MLYCD: variants seen among roughly 807,000 people sequenced by gnomAD.
The protein encoded by MLYCD is malonyl-CoA decarboxylase.
Under a neutral mutation model 35.8 loss-of-function variants are expected in MLYCD, and 27 were observed. The observed-to-expected ratio is 0.75, with a 90% confidence interval of 0.56 to 1.04. The LOEUF is 1.04. Among genes scored for constraint, MLYCD ranks in the 50% least tolerant of loss-of-function variants. The pLI is 0.00. For synonymous variants in MLYCD, 403 were observed against 302.4 expected (o/e 1.33, Z -3.45); for missense variants, 917 against 665.1 (o/e 1.38, Z -4.17).
At position 83,926,093 on chromosome 16, in the gene MLYCD, C is replaced by G. The variant is rs991707070; in HGVS notation, c.*10604C>G. ...GGGCCACGCTGGTTACTTGGGTACA[C>G]TCCTTGCCCAGGGTTCCACAGCCCC... On this transcript the variant is annotated 3_prime_UTR_variant, in exon 5 of 5. Coordinates refer to ENST00000262430, the MANE Select transcript of MLYCD (RefSeq NM_012213.3). The G allele has an allele frequency of 1.3e-5, 2 of 152,314 alleles. No homozygotes were observed. Among genetic ancestry groups the G allele is most frequent in the Non-Finnish European group, 2.9e-5 (2 of 68,096 alleles). The allele number at this position is 152,314 out of a possible 1,614,324, so 9.4% of individuals were successfully genotyped here.
rs142999605 is a variant in MLYCD, at chr16:83,905,739, A to G, written c.529-1248A>G. Among the ~76,000 whole-genome samples, 1,329 of 152,324 alleles carry G rather than the reference A, an allele frequency of 8.7e-3. 13 individuals are homozygous for G. Among genetic ancestry groups the G allele is most frequent in the Non-Finnish European group, 0.014 (941 of 68,010 alleles). ...CCCTCATTGACCAGAACTCTGTCAC[A>G]TGGCTGCCCCCAGCCGCAGTGCAAT... On this transcript the variant is annotated intron_variant, in intron 1 of 4. Transcript: ENST00000262430.
Position 83,917,014 on chromosome 16 carries a change from GTC to G in MLYCD, c.*1526_*1527del, listed in dbSNP as rs1202029265. ...TGCGTGTGCACGAGCGTCTCTGTGTGTCAGTGCACGTCTGTGTGCGTGTGCAC... is the reference window on the plus strand; with the variant it reads ...TGCGTGTGCACGAGCGTCTCTGTGTGAGTGCACGTCTGTGTGCGTGTGCAC... On this transcript the variant is annotated 3_prime_UTR_variant, in exon 5 of 5. Transcript: ENST00000262430. 4 of 123,054 alleles carry G rather than the reference GTC, an allele frequency of 3.3e-5. No individual in the cohort carries two copies. The East Asian group carries it at 1.1e-3, about 33-fold the overall frequency. 7.6% of individuals were successfully genotyped at this position (123,054 alleles called of 1,614,324 possible).
In MLYCD at chr16:83,917,002, G is replaced by A. The variant is rs1405390743; in HGVS notation, c.*1513G>A. ...TGCACGCCTGTGTGCGTGTGCACGAGCGTCTCTGTGTGTCAGTGCACGTCT... is the reference window on the plus strand; with the variant it reads ...TGCACGCCTGTGTGCGTGTGCACGAACGTCTCTGTGTGTCAGTGCACGTCT... On this transcript the variant is annotated 3_prime_UTR_variant, in exon 5 of 5. Coordinates refer to ENST00000262430, the MANE Select transcript of MLYCD (RefSeq NM_012213.3). The A allele has an allele frequency of 1.5e-5, 2 of 132,614 alleles. No individual in the cohort carries two copies. Among genetic ancestry groups the A allele is most frequent in the African/African-American group, 5.8e-5 (2 of 34,646 alleles). 8.2% of individuals were successfully genotyped at this position (132,614 alleles called of 1,614,324 possible).
chr16:83,901,371 A>G (rs1013289991), intron 1 of MLYCD, among the ~76,000 whole-genome samples: 1 of 152,232 alleles, frequency 6.6e-6, no homozygotes, highest in Non-Finnish European at 1.5e-5. Flanking sequence ...CAGAATGATG[A>G]ATGAATCATT....
At chr16:83,907,143 T>C (rs532123215) in intron 2 of MLYCD, 44 bp downstream of exon 2, 9 of 1,476,124 alleles carry the variant, frequency 6.1e-6, no homozygotes, top group African/African-American at 5.5e-5. Flanking sequence ...ACATTTTTCA[T>C]ATATATTTGT....
chr16:83,913,106 G>T (rs1907238544), intron 4 of MLYCD: 1 of 153,842 alleles, frequency 6.5e-6, no homozygotes, highest in Non-Finnish European at 1.4e-5. Context: ...GTTGGGGGCT[G>T]CACATGGCTG....
chr16:83,921,873 G>C lies in MLYCD; in HGVS notation c.*6384G>C, dbSNP rs2151063405. ...TCTGAGGGTGATAGGCTACTCACTG[G>C]GTCCTAGTGTTCTGAACTACACCCT... On this transcript the variant is annotated 3_prime_UTR_variant, in exon 5 of 5. Transcript: ENST00000262430. 6.6e-6 allele frequency: 1 copy of C among 152,314 alleles called. No homozygotes were observed. The highest frequency in any genetic ancestry group is 1.9e-4 in the East Asian group (1 of 5,180). 9.4% of individuals were successfully genotyped at this position (152,314 alleles called of 1,614,324 possible). A position where few individuals can be genotyped will look rare whatever the true frequency, so the allele number is the denominator to read the frequency against.
intron 3 of MLYCD, among the ~76,000 whole-genome samples, chr16:83,911,393 A>C (rs1371426583): frequency 6.6e-6 from 1 of 152,250 alleles, no homozygotes; most frequent in Non-Finnish European, 1.5e-5. Flanking sequence ...GTAGAAGTTA[A>C]AATAGTTTAA....
rs751002859 is a variant in MLYCD, at chr16:83,915,479, G to T, written c.1472G>T (p.Ser491Ile). ...LSLVAQFQKN[S>I]KL ...CTAGTGGCCCAGTTTCAAAAGAACA[G>T]CAAGCTCTGACAGTAAACCTCTCCT... is the stretch of plus-strand genomic sequence containing the variant. Residue 491 changes from serine (S) to isoleucine (I), a missense_variant, in exon 5 of 5, where the codon AGC becomes ATC. By Grantham distance (142) the Ser-to-Ile change is moderately radical (BLOSUM62 -2). Transcript: ENST00000262430. The T allele has an allele frequency of 5.8e-5, 93 of 1,611,444 alleles. No individual in the cohort carries two copies. In the South Asian group the frequency reaches 6.0e-4, roughly 10 times the overall value.
Position 83,918,642 on chromosome 16 carries a change from CAT to C in MLYCD, c.*3154_*3155del, listed in dbSNP as rs1318203518. ...CACGGTGCACCGGAGAACATGCACA[CAT>C]GGTGCACAGGAGAACACAGTGCACA... is the stretch of plus-strand genomic sequence containing the variant. On this transcript the variant is annotated 3_prime_UTR_variant, in exon 5 of 5. Transcript: ENST00000262430. 1.4e-4 allele frequency: 21 copies of C among 145,658 alleles called. No homozygotes were observed. The highest frequency in any genetic ancestry group is 4.4e-3 in the Middle Eastern group (1 of 226). 9.0% of individuals were successfully genotyped at this position (145,658 alleles called of 1,614,324 possible).
intron 1 of MLYCD, among the ~76,000 whole-genome samples, chr16:83,902,056 C>G (rs1023427972): frequency 1.3e-5 from 2 of 150,536 alleles, no homozygotes; most frequent in Non-Finnish European, 2.9e-5. Context: ...AGTAGCTGAA[C>G]CTATTAATTC....
rs1194397409 is a variant in MLYCD at position 83,899,498 on chromosome 16, G to A, written c.354G>A (p.Glu118=). 1 of 1,569,636 alleles carries A rather than the reference G, an allele frequency of 6.4e-7. No individual in the cohort carries two copies. Among genetic ancestry groups the A allele is most frequent in the Non-Finnish European group, 8.6e-7 (1 of 1,168,202 alleles). ...TCCATCTGCGCCAGCAGCAGCGGGA[G>A]GCGGCGGTGCTGCTGCAGGCCGAGG... is the stretch of plus-strand genomic sequence containing the variant. ...GVLHLRQQQR[E]AAVLLQAEDR... The change falls in exon 1 of 5, where the codon GAG becomes GAA. Residue 118 remains glutamate, a synonymous_variant. Transcript: ENST00000262430.
intron 1 of MLYCD, among the ~76,000 whole-genome samples, chr16:83,906,721 AGTTC>A (rs1233464027): frequency 2.1e-5 from 3 of 144,872 alleles, no homozygotes; most frequent in Non-Finnish European, 4.5e-5. Context: ...TGGGCAACTT[AGTTC>A]AAATTGAATT....
Position 83,915,988 on chromosome 16 carries a change from A to C in MLYCD, c.*499A>C. On this transcript the variant is annotated 3_prime_UTR_variant, in exon 5 of 5. Coordinates refer to ENST00000262430, the MANE Select transcript of MLYCD (RefSeq NM_012213.3). ...GACAAAGGGCTGTGCTACACTTCCC[A>C]GTTACATTCTGAAGCTCATAAATGT... is the stretch of plus-strand genomic sequence containing the variant. 2.0e-6 allele frequency: 2 copies of C among 1,013,762 alleles called. No individual in the cohort carries two copies. The highest frequency in any genetic ancestry group is 2.4e-6 in the Non-Finnish European group (2 of 845,272). The allele number at this position is 1,013,762 out of a possible 1,614,324, so 62.8% of individuals were successfully genotyped here.
chr16:83,915,153 C>A lies in MLYCD; in HGVS notation c.1146C>A (p.Ser382Arg), dbSNP rs373273203. ...NETLKLLLSS[S>R]EWVQSEKLVR... Reference sequence around the variant, plus strand: ...CCCTCAAGCTCCTCCTCAGCAGCAGCGAGTGGGTGCAGTCGGAGAAGCTGG... The same window carrying A: ...CCCTCAAGCTCCTCCTCAGCAGCAGAGAGTGGGTGCAGTCGGAGAAGCTGG... The change falls in exon 5 of 5, where the codon AGC becomes AGA. Residue 382 changes from serine to arginine, a missense_variant. Physicochemically the swap from Ser to Arg is moderately radical, Grantham distance 110. Coordinates refer to ENST00000262430, the MANE Select transcript of MLYCD (RefSeq NM_012213.3). 1.2e-6 allele frequency: 2 copies of A among 1,614,234 alleles called. No individual in the cohort carries two copies. The highest frequency in any genetic ancestry group is 2.7e-5 in the African/African-American group (2 of 75,072).
At chr16:83,910,379 TG>T (rs1391894757) in intron 3 of MLYCD, among the ~76,000 whole-genome samples, 3 of 151,896 alleles carry the variant, frequency 2.0e-5, no homozygotes, top group African/African-American at 7.3e-5. Context: ...CAAGATAATT[TG>T]CAGACTTCTT....
rs374610037 is a variant in MLYCD, at chr16:83,915,206, G to A, written c.1199G>A (p.Arg400Lys). 1 of 1,614,058 alleles carries A rather than the reference G, an allele frequency of 6.2e-7. No individual in the cohort carries two copies. The highest frequency in any genetic ancestry group is 8.5e-7 in the Non-Finnish European group (1 of 1,179,894). The part of the protein sequence containing the change: ...LVRALQTPLM[R>K]LCAWYLYGEK... Reference sequence around the variant, plus strand: ...CGGGCGCTGCAGACTCCGCTGATGAGGCTGTGCGCCTGGTACCTGTATGGA... The same window carrying A: ...CGGGCGCTGCAGACTCCGCTGATGAAGCTGTGCGCCTGGTACCTGTATGGA... The change falls in exon 5 of 5, where the codon AGG (arginine) becomes AAG (lysine). Residue 400 changes from arginine (R) to lysine (K), a missense_variant. Physicochemically the swap from Arg to Lys is conservative, Grantham distance 26. Transcript: ENST00000262430.
chr16:83,903,659 A>C (rs1306188531), intron 1 of MLYCD, among the ~76,000 whole-genome samples: 1 of 152,180 alleles, frequency 6.6e-6, no homozygotes. Flanking sequence ...TACACAATAC[A>C]CAGAGCCGGG....
intron 1 of MLYCD, among the ~76,000 whole-genome samples, chr16:83,904,410 G>A (rs964831635): frequency 3.3e-5 from 5 of 152,108 alleles, no homozygotes; most frequent in African/African-American, 1.2e-4. Context: ...GAGTGTGAGA[G>A]GATCCCAGGA....
Sources: allele counts gnomAD v4.1 joint callset (sites outside exome capture counted in the v4.1 genomes callset), GRCh38; gene constraint gnomAD v4.1.1; transcripts MANE v1.5; gene names NCBI Gene and HGNC (gene_info 2026-07-23, HGNC 2026-07-21).